Variants in DNAI1 observed in about 807,000 individuals in gnomAD.
DNAI1 encodes dynein axonemal intermediate chain 1, also known as dynein, axonemal, intermediate polypeptide 1.
In DNAI1, 67 loss-of-function variants were observed where a neutral mutation model predicts 92.0. The ratio of observed to expected loss-of-function variants is 0.73; its 90% confidence interval spans 0.60 to 0.89. The LOEUF is 0.89. Among genes scored for constraint, DNAI1 ranks in the 40% least tolerant of loss-of-function variants. The pLI is 0.00. For missense variants in DNAI1, 839 were observed against 866.6 expected (o/e 0.97, Z 0.40); for synonymous variants, 323 against 319.6 (o/e 1.01, Z -0.11).
chr9:34,462,247 C>G (rs1038940026), intron 1 of DNAI1, among the ~76,000 whole-genome samples: 1 of 152,198 alleles, frequency 6.6e-6, no homozygotes, highest in Non-Finnish European at 1.5e-5. Flanking sequence ...CTGAACTGCC[C>G]TCACTTCCTG....
intron 13 of DNAI1, among the ~76,000 whole-genome samples, chr9:34,509,688 GAGACAGAAATGAGA>G (rs1418276280): frequency 6.6e-6 from 1 of 152,110 alleles, no homozygotes; most frequent in African/African-American, 2.4e-5. Context: ...AGGGGCAGTG[GAGACAGAAATGAGA>G]AGACAGGGTT....
At chr9:34,491,957 GC>G (rs912900033) in intron 8 of DNAI1, among the ~76,000 whole-genome samples, 28 of 152,214 alleles carry the variant, frequency 1.8e-4, no homozygotes, top group Admixed American at 6.5e-4. Flanking sequence ...TGTTCCTGCA[GC>G]CCCCCTCCTC....
intron 1 of DNAI1, among the ~76,000 whole-genome samples, chr9:34,477,390 G>A (rs1564028926): frequency 6.6e-6 from 1 of 152,160 alleles, no homozygotes; most frequent in Non-Finnish European, 1.5e-5. Flanking sequence ...TTTCTCATTT[G>A]TAAAGTAGGA....
chr9:34,485,285 T>C (rs1587067562), intron 3 of DNAI1, 45 bp downstream of exon 3: 1 of 1,611,952 alleles, frequency 6.2e-7, no homozygotes, highest in East Asian at 2.2e-5. Flanking sequence ...CCTCTTCCAG[T>C]TTCGGAGATG....
At chr9:34,486,680 C>T (rs1481337508) in intron 4 of DNAI1, among the ~76,000 whole-genome samples, 1 of 152,064 alleles carries the variant, frequency 6.6e-6, no homozygotes, top group African/African-American at 2.4e-5. Context: ...AATTCAGTGG[C>T]TTTTAGTACA....
In DNAI1 at chr9:34,490,087, C is replaced by G; in HGVS notation, c.464C>G (p.Thr155Ser). The G allele has an allele frequency of 6.2e-7, 1 of 1,614,122 alleles. No individual in the cohort carries two copies. The highest frequency in any genetic ancestry group is 2.2e-5 in the East Asian group (1 of 44,880). ...GACGAAGAGCCCAAGGAGTTAGAAACTGAGCCTGGGAGTCAAACAGATGTG... is the reference window on the plus strand; with the variant it reads ...GACGAAGAGCCCAAGGAGTTAGAAAGTGAGCCTGGGAGTCAAACAGATGTG... ...EEDEEPKELETEPGSQTDVPA... is the reference protein window; with the variant it reads ...EEDEEPKELESEPGSQTDVPA... The change falls in exon 6 of 20, where the codon ACT (threonine) becomes AGT (serine). Residue 155 changes from threonine (T) to serine (S), a missense_variant. Coordinates refer to ENST00000242317, the MANE Select transcript of DNAI1 (RefSeq NM_012144.4).
intron 1 of DNAI1, among the ~76,000 whole-genome samples, chr9:34,476,967 C>T (rs1824247928): frequency 6.6e-6 from 1 of 152,128 alleles, no homozygotes; most frequent in Non-Finnish European, 1.5e-5. Flanking sequence ...TGTTCAGGGG[C>T]TTGGGCTTCA....
intron 4 of DNAI1, among the ~76,000 whole-genome samples, chr9:34,487,005 T>C (rs774106905): frequency 7.2e-5 from 11 of 152,246 alleles, no homozygotes; most frequent in Non-Finnish European, 1.5e-4. Context: ...CTACATTCTA[T>C]TTATCCATTC....
At position 34,483,430 on chromosome 9, in the gene DNAI1, T is replaced by C; in HGVS notation, c.49-18T>C. ...AATTTGCTTATGACTTACCTTCTGT[T>C]TTCTGTTCTTCATTTAGAGCATCAG... On this transcript the variant is annotated intron_variant, in intron 1 of 19. Coordinates refer to ENST00000242317, the MANE Select transcript of DNAI1 (RefSeq NM_012144.4). 1 of 1,610,192 alleles carries C rather than the reference T, an allele frequency of 6.2e-7. No individual in the cohort carries two copies. Among genetic ancestry groups the C allele is most frequent in the Non-Finnish European group, 8.5e-7 (1 of 1,179,170 alleles).
intron 1 of DNAI1, among the ~76,000 whole-genome samples, chr9:34,482,248 C>G (rs1030701257): frequency 6.9e-6 from 1 of 145,046 alleles, no homozygotes; most frequent in African/African-American, 2.6e-5. Flanking sequence ...AATCCTTGAG[C>G]TAGACATAAA....
chr9:34,469,677 A>G (rs1489500741), intron 1 of DNAI1, among the ~76,000 whole-genome samples: 1 of 152,126 alleles, frequency 6.6e-6, no homozygotes, highest in Non-Finnish European at 1.5e-5. Context: ...TCCCAGGTTC[A>G]AGCAATTCTC....
rs763505357 is a variant in DNAI1, at chr9:34,490,465, C to G, written c.598C>G (p.Gln200Glu). ...GTTCAACTTCAGTGAGAGGGCCTCA[C>G]AGACCTACAACAACCCTGTCCGGGT... is the stretch of plus-strand genomic sequence containing the variant. ...NQFNFSERAS[Q>E]TYNNPVRDRE... is the part of the protein sequence containing the mutation. The change falls in exon 7 of 20, where the codon CAG becomes GAG. Residue 200 changes from glutamine to glutamate, a missense_variant. By Grantham distance (29) the Gln-to-Glu change is conservative (BLOSUM62 2). Transcript: ENST00000242317. 10 of 1,614,094 alleles carry G rather than the reference C, an allele frequency of 6.2e-6. No individual in the cohort carries two copies. In the East Asian group the frequency reaches 2.0e-4, roughly 32 times the overall value.
At chr9:34,463,970 G>A (rs1463640774) in intron 1 of DNAI1, among the ~76,000 whole-genome samples, 1 of 152,138 alleles carries the variant, frequency 6.6e-6, no homozygotes, top group Non-Finnish European at 1.5e-5. Flanking sequence ...GTTTCTGTAT[G>A]TCCAAAGTAA....
rs74180566 is a variant in DNAI1 at position 34,477,924 on chromosome 9, CTTTTTTTTTTTTT to C, written c.49-5511_49-5499del. Among the ~76,000 whole-genome samples the C allele has an allele frequency of 2.9e-4, 14 of 49,022 alleles. No individual in the cohort carries two copies. The East Asian group carries it at 7.2e-3, about 25-fold the overall frequency. 32.2% of individuals were successfully genotyped at this position (49,022 alleles called of 152,430 possible). A position where few individuals can be genotyped will look rare whatever the true frequency, so the allele number is the denominator to read the frequency against. Reference sequence around the variant, plus strand: ...ACCCTGTCTCTCTCTCTCTCTCTCTCTTTTTTTTTTTTTTTTTTTTTTTTTAGTCTCAGCTCAC... The same window carrying C: ...ACCCTGTCTCTCTCTCTCTCTCTCTCTTTTTTTTTTTTAGTCTCAGCTCAC... On this transcript the variant is annotated intron_variant, in intron 1 of 19. Coordinates refer to ENST00000242317, the MANE Select transcript of DNAI1 (RefSeq NM_012144.4).
At chr9:34,501,934 C>T (rs1368753059) in intron 12 of DNAI1, among the ~76,000 whole-genome samples, 2 of 152,202 alleles carry the variant, frequency 1.3e-5, no homozygotes, top group Non-Finnish European at 2.9e-5. Context: ...CAGAAGAAGC[C>T]CCTAGCGCTG....
intron 4 of DNAI1, 58 bp from the exon 5 acceptor site, chr9:34,489,265 C>T: frequency 6.2e-7 from 1 of 1,601,892 alleles, no homozygotes; most frequent in Non-Finnish European, 8.5e-7. Flanking sequence ...AAGCAGATTA[C>T]ATTTTGACTC....
intron 12 of DNAI1, 59 bp downstream of exon 12, chr9:34,501,240 C>T: frequency 1.5e-6 from 2 of 1,346,674 alleles, no homozygotes; most frequent in Non-Finnish European, 2.1e-6. Flanking sequence ...TAAGTACCTA[C>T]TCTGTGCAGA....
chr9:34,506,720 T>TGACAA lies in DNAI1; in HGVS notation c.1157_1158insGACAA (p.Met387ThrfsTer17). On this transcript the variant is annotated frameshift_variant, in exon 13 of 20. Transcript: ENST00000242317. LOFTEE classifies it high-confidence loss of function. ...TACATGTTCAGCAGCAACAGCGGCG[T>TGACAA]CATGTGTCTCGACATCCACGTGGAC... is the stretch of plus-strand genomic sequence containing the variant. The TGACAA allele has an allele frequency of 6.2e-7, 1 of 1,614,174 alleles. No homozygotes were observed.
At chr9:34,487,531 C>T (rs1824498012) in intron 4 of DNAI1, among the ~76,000 whole-genome samples, 1 of 152,036 alleles carries the variant, frequency 6.6e-6, no homozygotes. Flanking sequence ...TTGCGAATGG[C>T]TTCCCTTGGG....
Sources: gnomAD v4.1 joint callset for allele counts (sites outside exome capture counted in the v4.1 genomes callset) on GRCh38, gnomAD v4.1.1 for gene constraint, MANE v1.5 for transcripts, NCBI Gene and HGNC (gene_info 2026-07-23, HGNC 2026-07-21) for gene names.